GAN: variants seen among roughly 807,000 people sequenced by gnomAD.
GAN encodes the protein gigaxonin.
Under a neutral mutation model 71.3 loss-of-function variants are expected in GAN, and 48 were observed. That is an observed-to-expected ratio of 0.67 (90% CI 0.53 to 0.86). GAN has a LOEUF of 0.86. Among genes scored for constraint, GAN ranks in the 40% least tolerant of loss-of-function variants. The pLI, the probability that GAN is intolerant of heterozygous loss-of-function variation, is 0.00. For missense variants in GAN, 928 were observed against 770.1 expected, an observed-to-expected ratio of 1.21 and a Z score of -2.43; for synonymous variants, 386 against 276.8, an observed-to-expected ratio of 1.39 and a Z score of -3.92.
At chr16:81,371,054 C>G (rs751518497) in intron 9 of GAN, among the ~76,000 whole-genome samples, 1 of 152,154 alleles carries the variant, frequency 6.6e-6, no homozygotes, top group Non-Finnish European at 1.5e-5. Context: ...GTTGCTCTGT[C>G]TTGTTTGCTG....
intron 4 of GAN, 63 bp from the exon 5 acceptor site, chr16:81,357,747 G>A (rs1302243679): frequency 2.1e-6 from 3 of 1,440,358 alleles, no homozygotes; most frequent in Non-Finnish European, 2.9e-6. Flanking sequence ...AACTAGTGAT[G>A]GCTACTTATA....
At chr16:81,323,644 T>G (rs1909287517) in intron 1 of GAN, among the ~76,000 whole-genome samples, 1 of 152,202 alleles carries the variant, frequency 6.6e-6, no homozygotes, top group East Asian at 1.9e-4. Flanking sequence ...ATTAGGGTGT[T>G]GTTTAGGGAG....
At chr16:81,331,623 A>G (rs1441086087) in intron 1 of GAN, among the ~76,000 whole-genome samples, 1 of 152,198 alleles carries the variant, frequency 6.6e-6, no homozygotes, top group Non-Finnish European at 1.5e-5. Context: ...GAAGTCCTTC[A>G]GGAACGGCTC....
rs928095391 is a variant in GAN, at chr16:81,380,332, T to C, written c.*2736T>C. 2.4e-4 allele frequency: 37 copies of C among 152,736 alleles called. No individual in the cohort carries two copies. The highest frequency in any genetic ancestry group is 8.9e-4 in the African/African-American group (37 of 41,566). 9.5% of individuals were successfully genotyped at this position (152,736 alleles called of 1,614,324 possible). A position where few individuals can be genotyped will look rare whatever the true frequency, so the allele number is the denominator to read the frequency against. The stretch of plus-strand genomic sequence containing the variant: ...CTTAAATTTTAAATACAAATATCTT[T>C]GGGGGAAGTGCAATTTATTTTCAGA... On this transcript the variant is annotated 3_prime_UTR_variant, in exon 11 of 11. Transcript: ENST00000648994.
intron 1 of GAN, among the ~76,000 whole-genome samples, chr16:81,344,832 A>G (rs920604862): frequency 1.3e-5 from 2 of 152,226 alleles, no homozygotes; most frequent in African/African-American, 4.8e-5. Context: ...AGAATGGGAG[A>G]AAATTTTTGC....
rs1293991476 is a variant in GAN, at chr16:81,374,488, C to G, written c.1503-2731C>G. Among the ~76,000 whole-genome samples, 5 of 152,338 alleles carry G rather than the reference C, an allele frequency of 3.3e-5. No individual in the cohort carries two copies. In the East Asian group the frequency reaches 9.6e-4, roughly 29 times the overall value. The stretch of plus-strand genomic sequence containing the variant: ...GATGATTTTGTTCCCGTCATTCCTT[C>G]TGCATTTATTAATTGGAATTTTTCG... On this transcript the variant is annotated intron_variant, in intron 9 of 10. Transcript: ENST00000648994.
intron 1 of GAN, among the ~76,000 whole-genome samples, chr16:81,321,273 G>T (rs1446882980): frequency 6.6e-6 from 1 of 152,172 alleles, no homozygotes; most frequent in Non-Finnish European, 1.5e-5. Flanking sequence ...ATTTATCGTA[G>T]AACTTTCCCG....
chr16:81,354,498 G>T lies in GAN; in HGVS notation c.376G>T (p.Glu126Ter), dbSNP rs1910419538. The T allele has an allele frequency of 6.2e-7, 1 of 1,613,960 alleles. No homozygotes were observed. Among genetic ancestry groups the T allele is most frequent in the African/African-American group, 1.3e-5 (1 of 74,920 alleles). The change falls in exon 3 of 11, where the codon GAA becomes TAA. Residue 126 changes from glutamate (E) to a stop codon, truncating the protein, a stop_gained. Coordinates refer to ENST00000648994, the MANE Select transcript of GAN (RefSeq NM_022041.4). LOFTEE classifies it high-confidence loss of function. ...TAAAACCCTGTGCTGTGAGTTTTTGGAAGGCTGCATTGCTGCTGAGAACTG... is the reference window on the plus strand; with the variant it reads ...TAAAACCCTGTGCTGTGAGTTTTTGTAAGGCTGCATTGCTGCTGAGAACTG... ...DLKTLCCEFL[E>*]GCIAAENCIG...
chr16:81,334,970 A>G (rs1041386645), intron 1 of GAN, among the ~76,000 whole-genome samples: 5 of 152,122 alleles, frequency 3.3e-5, no homozygotes, highest in Non-Finnish European at 1.5e-5. Flanking sequence ...ATTTTCATGG[A>G]TATTGACATT....
At chr16:81,342,058 G>C (rs1006993402) in intron 1 of GAN, among the ~76,000 whole-genome samples, 3 of 152,104 alleles carry the variant, frequency 2.0e-5, no homozygotes, top group African/African-American at 7.2e-5. Flanking sequence ...AATGGTAAAG[G>C]GATCTATTCA....
At chr16:81,361,204 G>T (rs568345262) in intron 5 of GAN, among the ~76,000 whole-genome samples, 2 of 152,014 alleles carry the variant, frequency 1.3e-5, no homozygotes, top group African/African-American at 2.4e-5. Context: ...CAGCCTGGGC[G>T]ACAGAGCAAG....
intron 1 of GAN, among the ~76,000 whole-genome samples, chr16:81,331,192 C>G (rs1370709754): frequency 6.6e-6 from 1 of 152,090 alleles, no homozygotes; most frequent in Admixed American, 6.5e-5. Flanking sequence ...GCAACAGAGA[C>G]CATGTCTCAA....
intron 1 of GAN, among the ~76,000 whole-genome samples, chr16:81,324,558 C>T (rs772543542): frequency 2.0e-5 from 3 of 152,024 alleles, no homozygotes; most frequent in Admixed American, 2.0e-4. Context: ...GGGATGGCAT[C>T]GACAACAGAT....
rs1020991476 is a variant in GAN at position 81,390,626 on chromosome 16, C to T, written c.*13030C>T. ...AGTTTGTATTGACTGGATTTTATAACTGTAAGAAAACAGAAACAGAGTGTT... is the reference window on the plus strand; with the variant it reads ...AGTTTGTATTGACTGGATTTTATAATTGTAAGAAAACAGAAACAGAGTGTT... On this transcript the variant is annotated 3_prime_UTR_variant, in exon 11 of 11. Coordinates refer to ENST00000648994, the MANE Select transcript of GAN (RefSeq NM_022041.4). 6.6e-6 allele frequency: 1 copy of T among 152,152 alleles called. No homozygotes were observed. The highest frequency in any genetic ancestry group is 2.4e-5 in the African/African-American group (1 of 41,412). 9.4% of individuals were successfully genotyped at this position (152,152 alleles called of 1,614,324 possible).
chr16:81,321,362 T>C (rs1313173002), intron 1 of GAN, among the ~76,000 whole-genome samples: 1 of 152,256 alleles, frequency 6.6e-6, no homozygotes, highest in Non-Finnish European at 1.5e-5. Flanking sequence ...GGATAAGTCC[T>C]CACTCTTTTA....
chr16:81,322,766 G>A (rs1909260852), intron 1 of GAN, among the ~76,000 whole-genome samples: 1 of 152,112 alleles, frequency 6.6e-6, no homozygotes, highest in African/African-American at 2.4e-5. Context: ...CTGAATAATA[G>A]TAAATGGTTT....
At position 81,357,825 on chromosome 16, in the gene GAN, A is replaced by G. The variant is rs1343250110; in HGVS notation, c.867A>G (p.Thr289=). The G allele has an allele frequency of 6.2e-7, 1 of 1,613,646 alleles. No individual in the cohort carries two copies. The highest frequency in any genetic ancestry group is 8.5e-7 in the Non-Finnish European group (1 of 1,179,506). ...ACTTCCTTAGTTCACGGAAACCCAC[A>G]GCAGCGATGCGATGCATGTGCCCTC... The part of the protein sequence containing the change: ...GGEERVSRKP[T]AAMRCMCPLY... The change falls in exon 5 of 11, where the codon ACA becomes ACG. Residue 289 remains threonine, a synonymous_variant. Coordinates refer to ENST00000648994, the MANE Select transcript of GAN (RefSeq NM_022041.4).
At chr16:81,354,283 C>G (rs962634879) in intron 2 of GAN, 122 bp from the exon 3 acceptor site, 5 of 714,808 alleles carry the variant, frequency 7.0e-6, no homozygotes, top group Non-Finnish European at 1.2e-5. Context: ...ATGAAATTGC[C>G]AATATTCGAT....
rs1316853972 is a variant in GAN at position 81,379,318 on chromosome 16, G to C, written c.*1722G>C. On this transcript the variant is annotated 3_prime_UTR_variant, in exon 11 of 11. Transcript: ENST00000648994. ...TTGCTGAAAGATGCTGTGCCTATGG[G>C]GTTCTAGAGAGTGTTGAGTGTGGTA... 1 of 152,182 alleles carries C rather than the reference G, an allele frequency of 6.6e-6. No homozygotes were observed. The highest frequency in any genetic ancestry group is 2.4e-5 in the African/African-American group (1 of 41,428). 9.4% of individuals were successfully genotyped at this position (152,182 alleles called of 1,614,324 possible).
Sources: allele counts gnomAD v4.1 joint callset (sites outside exome capture counted in the v4.1 genomes callset), GRCh38; gene constraint gnomAD v4.1.1; transcripts MANE v1.5; gene names NCBI Gene and HGNC (gene_info 2026-07-23, HGNC 2026-07-21).